Variants in C16orf96 observed in about 807,000 individuals in gnomAD.
C16orf96 encodes the protein chromosome 16 open reading frame 96, also known as uncharacterized protein C16orf96.
C16orf96 carries 108 observed loss-of-function variants against 103.6 expected under a neutral mutation model. That is an observed-to-expected ratio of 1.04 (90% CI 0.89 to 1.22). The LOEUF (loss-of-function observed/expected upper bound fraction) is 1.22. Ranked by LOEUF, C16orf96 falls within the 50% of genes most tolerant of loss-of-function variation. The pLI, the probability that C16orf96 is intolerant of heterozygous loss-of-function variation, is 0.00. For missense variants in C16orf96, 1,586 were observed against 1,464.2 expected (o/e 1.08, Z -1.36); for synonymous variants, 566 against 593.5 (o/e 0.95, Z 0.67).
intron 5 of C16orf96, among the ~76,000 whole-genome samples, chr16:4,578,186 C>T (rs914955065): frequency 8.6e-5 from 13 of 150,448 alleles, no homozygotes; most frequent in Admixed American, 7.3e-4. Flanking sequence ...CTTTTGTCGC[C>T]GGTTGGAGTG....
intron 1 of C16orf96, among the ~76,000 whole-genome samples, chr16:4,558,287 A>G (rs2059288678): frequency 6.6e-6 from 1 of 152,210 alleles, no homozygotes; most frequent in African/African-American, 2.4e-5. Context: ...GCACGTGGAC[A>G]GTGTTCAGTT....
chr16:4,577,629 C>T (rs943508775), intron 5 of C16orf96, among the ~76,000 whole-genome samples: 1 of 150,244 alleles, frequency 6.7e-6, no homozygotes, highest in African/African-American at 2.5e-5. Context: ...CCAGCCTGGG[C>T]GACAGAGCTA....
Position 4,576,335 on chromosome 16 carries a change from G to T in C16orf96, c.1855G>T (p.Val619Phe). 2.6e-6 allele frequency: 4 copies of T among 1,550,824 alleles called. No homozygotes were observed. The South Asian group carries it at 3.6e-5, about 14-fold the overall frequency. ...CACGGCTGCAGCTGGGCCCCTAGGG[G>T]TCTTTGCAGATGTCCTGGGTGCAGG... ...TDTAAAGPLG[V>F]FADVLGAGPS... The change falls in exon 5 of 16, where the codon GTC becomes TTC. Residue 619 changes from valine to phenylalanine, a missense_variant. Physicochemically the swap from Val to Phe is conservative, Grantham distance 50. Transcript: ENST00000444310.
chr16:4,594,668 G>A, intron 13 of C16orf96, 36 bp from the exon 14 acceptor site: 1 of 1,549,462 alleles, frequency 6.5e-7, no homozygotes, highest in South Asian at 1.2e-5. Context: ...GATCGGGTCG[G>A]GGGCTCCCTA....
chr16:4,553,493 A>T (rs1187166845), upstream of C16orf96, among the ~76,000 whole-genome samples: 1 of 152,020 alleles, frequency 6.6e-6, no homozygotes, highest in Non-Finnish European at 1.5e-5. Flanking sequence ...ACACACCACC[A>T]TGCCCAGCTA....
At chr16:4,598,964 A>G (rs1002850137) in intron 14 of C16orf96, among the ~76,000 whole-genome samples, 9 of 152,106 alleles carry the variant, frequency 5.9e-5, no homozygotes, top group African/African-American at 2.2e-4. Context: ...GGAAACATTT[A>G]AACAATTAAC....
intron 7 of C16orf96, among the ~76,000 whole-genome samples, chr16:4,580,495 G>A (rs984908177): frequency 7.2e-5 from 11 of 151,956 alleles, no homozygotes; most frequent in Admixed American, 1.3e-4. Flanking sequence ...GAGCCAAGAG[G>A]TAGAAATATT....
intron 9 of C16orf96, 49 bp downstream of exon 9, chr16:4,588,380 A>G: frequency 6.6e-7 from 1 of 1,512,906 alleles, no homozygotes; most frequent in Non-Finnish European, 8.9e-7. Flanking sequence ...AAATTAACCC[A>G]GAACTTAGCA....
chr16:4,548,407 T>C, the C16orf96 span, among the ~76,000 whole-genome samples: 1 of 152,190 alleles, frequency 6.6e-6, no homozygotes, highest in Non-Finnish European at 1.5e-5. Flanking sequence ...TTCACCATAA[T>C]TGGGGCAGCA....
Position 4,574,571 on chromosome 16 carries a change from C to G in C16orf96, c.526-138C>G, listed in dbSNP as rs1464962862. 5 of 686,166 alleles carry G rather than the reference C, an allele frequency of 7.3e-6. No homozygotes were observed. The African/African-American group carries it at 9.0e-5, about 12-fold the overall frequency. 42.5% of individuals were successfully genotyped at this position (686,166 alleles called of 1,614,324 possible). On this transcript the variant is annotated intron_variant, in intron 2 of 15. Coordinates refer to ENST00000444310, the MANE Select transcript of C16orf96 (RefSeq NM_001145011.2). ...TCCCAAACTTGTTTGCCCATGGAAC[C>G]CTTTCCCACTCCTTGGGAAACACTG...
In C16orf96 at chr16:4,556,876, G is replaced by T. The variant is rs909634176; in HGVS notation, c.387G>T (p.Lys129Asn). The part of the protein sequence containing the change: ...QDLWHLIKLR[K>N]MVEGHDEVMA... Reference sequence around the variant, plus strand: ...TGTGGCATCTGATCAAGCTCCGGAAGATGGTGGAGGGTCATGATGAAGTCA... The same window carrying T: ...TGTGGCATCTGATCAAGCTCCGGAATATGGTGGAGGGTCATGATGAAGTCA... The change falls in exon 1 of 16, where the codon AAG becomes AAT. Residue 129 changes from lysine (K) to asparagine (N), a missense_variant. By Grantham distance (94) the Lys-to-Asn change is moderately conservative (BLOSUM62 0). Coordinates refer to ENST00000444310, the MANE Select transcript of C16orf96 (RefSeq NM_001145011.2). 6.5e-7 allele frequency: 1 copy of T among 1,549,968 alleles called. No homozygotes were observed. The highest frequency in any genetic ancestry group is 8.7e-7 in the Non-Finnish European group (1 of 1,145,704).
In C16orf96 at chr16:4,580,111, A is replaced by G. The variant is rs978959867; in HGVS notation, c.2338A>G (p.Met780Val). The G allele has an allele frequency of 1.3e-6, 2 of 1,535,542 alleles. No individual in the cohort carries two copies. Among genetic ancestry groups the G allele is most frequent in the Non-Finnish European group, 1.8e-6 (2 of 1,139,178 alleles). ...DKAVENLQIR[M>V]DEFKTLQAQI... ...GGCGGTGGAGAACCTGCAGATTCGCATGGATGAGTTCAAGGTTAGGAGGAC... is the reference window on the plus strand; with the variant it reads ...GGCGGTGGAGAACCTGCAGATTCGCGTGGATGAGTTCAAGGTTAGGAGGAC... Residue 780 changes from methionine to valine, a missense_variant, in exon 7 of 16, where the codon ATG (methionine) becomes GTG (valine). Met to Val is a conservative substitution (Grantham distance 21). Transcript: ENST00000444310.
At chr16:4,599,192 C>G in intron 14 of C16orf96, 92 bp from the exon 15 acceptor site, 1 of 1,122,518 alleles carries the variant, frequency 8.9e-7, no homozygotes, top group Non-Finnish European at 1.3e-6. Flanking sequence ...GGGTTGGTCC[C>G]ACCAGAGGGA....
the C16orf96 span, among the ~76,000 whole-genome samples, chr16:4,547,696 CT>C: frequency 9.7e-4 from 44 of 45,148 alleles, no homozygotes; most frequent in African/African-American, 1.5e-3. Context: ...TTCCTTCTTT[CT>C]TTCTTTCTTT....
Position 4,593,271 on chromosome 16 carries a change from C to G in C16orf96, c.2822C>G (p.Pro941Arg). Residue 941 changes from proline (P) to arginine (R), a missense_variant, in exon 12 of 16, where the codon CCA (proline) becomes CGA (arginine). Physicochemically the swap from Pro to Arg is moderately radical, Grantham distance 103. Transcript: ENST00000444310. This position sits in a 1 kb window ranked among gnomAD's most constrained non-coding sequence, Gnocchi z 4.2. Reference sequence around the variant, plus strand: ...GCCCACCTGCTGTCCCGGCTGCGGCCAGCCAGCGCCAACAGCTGCGAGTAC... The same window carrying G: ...GCCCACCTGCTGTCCCGGCTGCGGCGAGCCAGCGCCAACAGCTGCGAGTAC... The part of the protein sequence containing the change: ...RKAHLLSRLR[P>R]ASANSCEYLQ... 1 of 1,551,110 alleles carries G rather than the reference C, an allele frequency of 6.4e-7. No individual in the cohort carries two copies. Among genetic ancestry groups the G allele is most frequent in the Non-Finnish European group, 8.7e-7 (1 of 1,146,916 alleles).
intron 1 of C16orf96, among the ~76,000 whole-genome samples, chr16:4,557,360 C>T (rs1016556013): frequency 6.6e-6 from 1 of 152,100 alleles, no homozygotes; most frequent in Admixed American, 6.6e-5. Context: ...TCAGGCACAA[C>T]CAAAACGCCA....
chr16:4,582,374 G>T (rs943420740), intron 7 of C16orf96, among the ~76,000 whole-genome samples: 14 of 152,238 alleles, frequency 9.2e-5, no homozygotes, highest in African/African-American at 3.4e-4. Flanking sequence ...TCGGGGGGCT[G>T]TTGCTGGGAT....
At position 4,575,683 on chromosome 16, in the gene C16orf96, G is replaced by A. The variant is rs1292378584; in HGVS notation, c.1203G>A (p.Arg401=). Residue 401 remains arginine (R), a synonymous_variant, in exon 5 of 16, where the codon AGG becomes AGA. Transcript: ENST00000444310. ...RRWPLPQGWP[R]VGSWPLWDLG... is the part of the protein sequence containing the mutation. ...GGCCTCTTCCCCAAGGCTGGCCCAG[G>A]GTGGGCTCTTGGCCTCTGTGGGACT... The A allele has an allele frequency of 6.5e-7, 1 of 1,535,684 alleles. No homozygotes were observed. Among genetic ancestry groups the A allele is most frequent in the Non-Finnish European group, 8.8e-7 (1 of 1,139,842 alleles).
chr16:4,568,743 CTCATCCTCCCAGG>C (rs2059407228), intron 1 of C16orf96, among the ~76,000 whole-genome samples: 1 of 150,252 alleles, frequency 6.7e-6, no homozygotes, highest in Non-Finnish European at 1.5e-5. Context: ...ATCCTCCCAT[CTCATCCTCCCAGG>C]GACCTGGGAC....
Sources: allele counts gnomAD v4.1 joint callset (sites outside exome capture counted in the v4.1 genomes callset), GRCh38; gene constraint gnomAD v4.1.1; non-coding constraint Gnocchi (gnomAD v3.1); transcripts MANE v1.5; gene names NCBI Gene and HGNC (gene_info 2026-07-23, HGNC 2026-07-21).